The following MED27 variants were observed in gnomAD, a reference collection of about 807,000 sequenced individuals.
The protein encoded by MED27 is mediator of RNA polymerase II transcription subunit 27.
MED27 carries 30 observed loss-of-function variants against 38.2 expected under a neutral mutation model. The ratio of observed to expected loss-of-function variants is 0.79; its 90% CI spans 0.59 to 1.07. The LOEUF (loss-of-function observed/expected upper bound fraction) is 1.07, where lower values mean the gene tolerates loss of function less well. Among genes scored for constraint, MED27 ranks in the 50% least tolerant of loss-of-function variants. The pLI is 0.00. For missense variants in MED27, 289 were observed against 397.5 expected, an observed-to-expected ratio of 0.73 and a Z score of 2.32; for synonymous variants, 122 against 153.5, an observed-to-expected ratio of 0.79 and a Z score of 1.52.
At chr9:132,054,380 C>G (rs897632388) in intron 2 of MED27, among the ~76,000 whole-genome samples, 1 of 152,168 alleles carries the variant, frequency 6.6e-6, no homozygotes, top group South Asian at 2.1e-4. Flanking sequence ...GCAGATGTCC[C>G]GCCACGCTTG....
chr9:132,018,921 T>C (rs200737414), intron 2 of MED27, among the ~76,000 whole-genome samples: 5 of 146,462 alleles, frequency 3.4e-5, no homozygotes, highest in Non-Finnish European at 7.6e-5. Flanking sequence ...ATTTTTTTTT[T>C]AAATCACTTT....
intron 3 of MED27, among the ~76,000 whole-genome samples, chr9:131,993,691 C>T (rs1205950180): frequency 1.3e-5 from 2 of 152,194 alleles, no homozygotes; most frequent in African/African-American, 4.8e-5. Context: ...GACCAACATA[C>T]AGCAGGTCCT....
chr9:132,072,833 CT>C (rs1291830645), intron 2 of MED27, among the ~76,000 whole-genome samples: 1 of 151,974 alleles, frequency 6.6e-6, no homozygotes, highest in Non-Finnish European at 1.5e-5. Context: ...CATGTAGCAG[CT>C]ATATGGAGAG....
chr9:132,000,244 A>G (rs1050518482), intron 3 of MED27, among the ~76,000 whole-genome samples: 1 of 152,044 alleles, frequency 6.6e-6, no homozygotes, highest in African/African-American at 2.4e-5. Flanking sequence ...AAATAAGCAC[A>G]TGAGAACATG....
intron 4 of MED27, among the ~76,000 whole-genome samples, chr9:131,897,839 T>C (rs554470998): frequency 6.6e-6 from 1 of 152,356 alleles, no homozygotes; most frequent in African/African-American, 2.4e-5. Context: ...TTTGCCACTT[T>C]ATTACAAGTC....
intron 2 of MED27, among the ~76,000 whole-genome samples, chr9:132,040,968 C>G (rs1293861279): frequency 6.6e-6 from 1 of 152,204 alleles, no homozygotes; most frequent in Non-Finnish European, 1.5e-5. Flanking sequence ...TGCCATCTCA[C>G]CACTCCAGAG....
chr9:131,918,568 G>A (rs574700874), intron 4 of MED27, among the ~76,000 whole-genome samples: 1 of 151,978 alleles, frequency 6.6e-6, no homozygotes, highest in Non-Finnish European at 1.5e-5. Context: ...TAAAAACTAT[G>A]TAACATAAAG....
At chr9:132,058,494 G>A (rs1833627947) in intron 2 of MED27, among the ~76,000 whole-genome samples, 1 of 151,986 alleles carries the variant, frequency 6.6e-6, no homozygotes, top group African/African-American at 2.4e-5. Flanking sequence ...ATCATAAGGG[G>A]CTTTTCCCCC....
chr9:131,933,990 C>G (rs1830637130), intron 4 of MED27, among the ~76,000 whole-genome samples: 1 of 152,142 alleles, frequency 6.6e-6, no homozygotes, highest in Admixed American at 6.6e-5. Context: ...ACAGTGAACT[C>G]ATTTTTGACA....
chr9:132,079,623 C>T lies in MED27; in HGVS notation c.203+19G>A. 1 of 1,612,044 alleles carries T rather than the reference C, an allele frequency of 6.2e-7. No individual in the cohort carries two copies. The highest frequency in any genetic ancestry group is 8.5e-7 in the Non-Finnish European group (1 of 1,179,634). ...AGCGGGGCCGGTCCCCGACCCCGGC[C>T]CCTTCAGCCGGTACCTACTTGAGGT... On this transcript the variant is annotated intron_variant, in intron 1 of 7. Coordinates refer to ENST00000292035, the MANE Select transcript of MED27 (RefSeq NM_004269.4).
chr9:132,070,077 G>A (rs549008703), intron 2 of MED27, among the ~76,000 whole-genome samples: 50 of 152,334 alleles, frequency 3.3e-4, no homozygotes, highest in African/African-American at 1.1e-3. Flanking sequence ...TTGAACAGAG[G>A]AGGAGGCTGA....
At chr9:132,004,089 C>T (rs749574161) in intron 3 of MED27, among the ~76,000 whole-genome samples, 3 of 152,080 alleles carry the variant, frequency 2.0e-5, no homozygotes, top group Non-Finnish European at 2.9e-5. Flanking sequence ...ATGAGGGAAC[C>T]GAGGAAACCC....
chr9:131,978,385 C>G (rs1831655607), intron 3 of MED27, among the ~76,000 whole-genome samples: 1 of 152,132 alleles, frequency 6.6e-6, no homozygotes, highest in South Asian at 2.1e-4. Flanking sequence ...ATTATGACAC[C>G]TATGAAACAA....
intron 3 of MED27, among the ~76,000 whole-genome samples, chr9:131,953,816 AT>A (rs1180994110): frequency 1.5e-5 from 2 of 136,428 alleles, no homozygotes; most frequent in African/African-American, 5.5e-5. Context: ...TCACTTTTAT[AT>A]CTTTTTTTTT....
chr9:132,054,386 G>A (rs993571738), intron 2 of MED27, among the ~76,000 whole-genome samples: 7 of 152,156 alleles, frequency 4.6e-5, no homozygotes, highest in Non-Finnish European at 7.3e-5. Context: ...GTCCCGCCAC[G>A]CTTGTGCAGC....
chr9:132,006,328 A>C (rs1279721367), intron 3 of MED27, among the ~76,000 whole-genome samples: 2 of 152,232 alleles, frequency 1.3e-5, no homozygotes, highest in Admixed American at 6.5e-5. Context: ...AGTTTGTATC[A>C]CATTCATGGT....
intron 6 of MED27, among the ~76,000 whole-genome samples, chr9:131,877,878 C>T (rs1838964803): frequency 6.6e-6 from 1 of 152,200 alleles, no homozygotes; most frequent in African/African-American, 2.4e-5. Context: ...ACTGAGTCTT[C>T]TAGGGCTGAC....
intron 2 of MED27, among the ~76,000 whole-genome samples, chr9:132,033,073 C>T (rs1388693153): frequency 6.6e-6 from 1 of 152,112 alleles, no homozygotes; most frequent in Admixed American, 6.5e-5. Context: ...TAAAAGCAGC[C>T]CCATACATGC....
chr9:131,992,563 A>AT (rs1419388450), intron 3 of MED27, among the ~76,000 whole-genome samples: 1 of 152,028 alleles, frequency 6.6e-6, no homozygotes, highest in Non-Finnish European at 1.5e-5. Context: ...ACACCCTGCT[A>AT]TTTTTTAAAA....
Sources: gnomAD v4.1 joint callset for allele counts (sites outside exome capture counted in the v4.1 genomes callset) on GRCh38, gnomAD v4.1.1 for gene constraint, MANE v1.5 for transcripts, NCBI Gene and HGNC (gene_info 2026-07-23, HGNC 2026-07-21) for gene names.